The following DROSHA variants were observed in gnomAD, a reference collection of about 807,000 sequenced individuals.
The protein encoded by DROSHA is ribonuclease 3.
A neutral mutation model predicts 181.9 loss-of-function variants in DROSHA; 56 were observed. The observed-to-expected ratio is 0.31, with a 90% CI of 0.25 to 0.38. The LOEUF (loss-of-function observed/expected upper bound fraction) is 0.38, where lower values mean the gene tolerates loss of function less well. Ranked by LOEUF, DROSHA falls within the 10% of genes least tolerant of loss-of-function variation. DROSHA has a pLI of 1.00. For missense variants in DROSHA, 1,218 were observed against 1,743.5 expected, an observed-to-expected ratio of 0.70 and a Z score of 5.37; for synonymous variants, 524 against 591.2, an observed-to-expected ratio of 0.89 and a Z score of 1.65.
chr5:31,515,638 T>C, intron 6 of DROSHA, 74 bp from the exon 7 acceptor site: 1 of 1,535,988 alleles, frequency 6.5e-7, no homozygotes, highest in South Asian at 1.2e-5. Context: ...AGAATACCAG[T>C]TTTGAATCCT....
intron 24 of DROSHA, 65 bp from the exon 25 acceptor site, chr5:31,435,929 T>C: frequency 2.7e-6 from 4 of 1,455,808 alleles, no homozygotes; most frequent in Middle Eastern, 1.9e-4. Flanking sequence ...TGGCTCTGAG[T>C]CACAGAAACA....
intron 20 of DROSHA, among the ~76,000 whole-genome samples, chr5:31,457,523 C>G (rs1208758474): frequency 6.6e-6 from 1 of 152,122 alleles, no homozygotes; most frequent in African/African-American, 2.4e-5. Context: ...AAAAAAAGTA[C>G]ACTTGACCCT....
intron 35 of DROSHA, among the ~76,000 whole-genome samples, chr5:31,404,002 C>T (rs778244601): frequency 1.3e-5 from 2 of 151,960 alleles, no homozygotes; most frequent in African/African-American, 2.4e-5. Flanking sequence ...ACTGCAGCCT[C>T]GAACCCCTGG....
intron 4 of DROSHA, 118 bp downstream of exon 4, chr5:31,528,922 A>G: frequency 7.4e-7 from 1 of 1,342,432 alleles, no homozygotes; most frequent in Non-Finnish European, 1.0e-6. Context: ...TGAAAGAATG[A>G]GCACATTATC....
intron 11 of DROSHA, among the ~76,000 whole-genome samples, chr5:31,496,936 G>A (rs987599204): frequency 6.6e-6 from 1 of 152,222 alleles, no homozygotes. Context: ...CTTCCATGGT[G>A]TCTGGGGCAT....
intron 5 of DROSHA, among the ~76,000 whole-genome samples, chr5:31,521,754 T>C (rs1739918627): frequency 2.0e-5 from 3 of 152,270 alleles, no homozygotes; most frequent in Middle Eastern, 6.8e-3. Flanking sequence ...AATGCTATTT[T>C]TCATCTGGAA....
In DROSHA at chr5:31,400,550, G is replaced by A. The variant is rs770889946; in HGVS notation, c.*882C>T. ...ATAAGAAACCAGTGATGTTTAGTTT[G>A]GAATAACTTTTTTTAAAATGTTATG... On this transcript the variant is annotated 3_prime_UTR_variant, in exon 36 of 36. Coordinates refer to ENST00000344624, the MANE Select transcript of DROSHA (RefSeq NM_001382508.1). 3.9e-5 allele frequency: 6 copies of A among 152,180 alleles called. No homozygotes were observed. The highest frequency in any genetic ancestry group is 7.4e-5 in the Non-Finnish European group (5 of 68,026). The allele number at this position is 152,180 out of a possible 1,614,324, so 9.4% of individuals were successfully genotyped here. A position where few individuals can be genotyped will look rare whatever the true frequency, so the allele number is the denominator to read the frequency against.
At position 31,431,691 on chromosome 5, in the gene DROSHA, C is replaced by T; in HGVS notation, c.3043-13G>A. On this transcript the variant is annotated splice_polypyrimidine_tract_variant and intron_variant, in intron 25 of 35. Coordinates refer to ENST00000344624, the MANE Select transcript of DROSHA (RefSeq NM_001382508.1). ...CCAGTTCAAGTTTCTACAAAATTCA[C>T]AATGACAAAACGTAAGAAAGAGTTT... The T allele has an allele frequency of 6.2e-7, 1 of 1,613,412 alleles. No homozygotes were observed. Among genetic ancestry groups the T allele is most frequent in the Non-Finnish European group, 8.5e-7 (1 of 1,179,556 alleles).
chr5:31,445,180 A>C (rs1034727294), intron 23 of DROSHA, among the ~76,000 whole-genome samples: 4 of 152,186 alleles, frequency 2.6e-5, no homozygotes, highest in Admixed American at 2.6e-4. Flanking sequence ...AGTTTCCTCT[A>C]CTGGCTTTCC....
chr5:31,472,261 G>A, intron 16 of DROSHA, 29 bp from the exon 17 acceptor site: 1 of 1,550,780 alleles, frequency 6.4e-7, no homozygotes, highest in Non-Finnish European at 8.7e-7. Flanking sequence ...TGGAGAGAAG[G>A]GGAAAAATAA....
chr5:31,466,082 T>A (rs1748971002), intron 19 of DROSHA, 100 bp downstream of exon 19: 1 of 1,197,734 alleles, frequency 8.3e-7, no homozygotes, highest in Middle Eastern at 2.0e-4. Flanking sequence ...AAAAAAATAT[T>A]TTTCCATCTT....
intron 16 of DROSHA, among the ~76,000 whole-genome samples, chr5:31,474,992 A>G (rs923840500): frequency 9.9e-5 from 15 of 152,204 alleles, no homozygotes; most frequent in African/African-American, 3.6e-4. Context: ...GAAGACACAT[A>G]GCTAGGGGCA....
At chr5:31,413,917 T>C (rs1579997919) in intron 30 of DROSHA, among the ~76,000 whole-genome samples, 1 of 152,266 alleles carries the variant, frequency 6.6e-6, no homozygotes, top group East Asian at 1.9e-4. Context: ...GATCTAACTT[T>C]TGAAAAGATT....
intron 27 of DROSHA, among the ~76,000 whole-genome samples, chr5:31,428,219 GAAC>G (rs1743712904): frequency 7.4e-6 from 1 of 134,334 alleles, no homozygotes; most frequent in East Asian, 2.3e-4. Flanking sequence ...CAGCAAAACA[GAAC>G]AACAGAACAC....
intron 20 of DROSHA, among the ~76,000 whole-genome samples, chr5:31,457,213 T>C (rs2150019826): frequency 1.4e-5 from 2 of 140,160 alleles, no homozygotes; most frequent in South Asian, 4.9e-4. Context: ...AACCTCTGCC[T>C]CTTGGGTTCA....
intron 25 of DROSHA, among the ~76,000 whole-genome samples, chr5:31,433,558 T>C (rs1023910697): frequency 6.6e-6 from 1 of 152,154 alleles, no homozygotes; most frequent in African/African-American, 2.4e-5. Context: ...CTTTTTTTTT[T>C]CTTTGAGAAG....
intron 30 of DROSHA, among the ~76,000 whole-genome samples, chr5:31,418,799 G>C (rs1034116115): frequency 6.6e-6 from 1 of 152,104 alleles, no homozygotes; most frequent in Non-Finnish European, 1.5e-5. Context: ...ACACTGAATG[G>C]GTGGTGCTGC....
intron 23 of DROSHA, among the ~76,000 whole-genome samples, chr5:31,443,894 G>A (rs145390139): frequency 6.6e-6 from 1 of 152,176 alleles, no homozygotes; most frequent in Admixed American, 6.5e-5. Flanking sequence ...CTGAGTACCT[G>A]TTCTGTGAAA....
At chr5:31,495,495 T>A (rs1752877745) in intron 11 of DROSHA, 123 bp from the exon 12 acceptor site, 1 of 881,374 alleles carries the variant, frequency 1.1e-6, no homozygotes, top group African/African-American at 1.7e-5. Context: ...CTTCACAGAC[T>A]GGTAGGAAAG....
Sources: gnomAD v4.1 joint callset for allele counts (sites outside exome capture counted in the v4.1 genomes callset) on GRCh38, gnomAD v4.1.1 for gene constraint, MANE v1.5 for transcripts, NCBI Gene and HGNC (gene_info 2026-07-23, HGNC 2026-07-21) for gene names.